Variants in PIK3CB observed in about 807,000 individuals in gnomAD.
PIK3CB encodes the protein phosphatidylinositol-4,5-bisphosphate 3-kinase catalytic subunit beta.
Under a neutral mutation model 136.8 loss-of-function variants are expected in PIK3CB, and 39 were observed. The ratio of observed to expected loss-of-function variants is 0.29; its 90% CI spans 0.22 to 0.37. The LOEUF (loss-of-function observed/expected upper bound fraction) is 0.37. Ranked by LOEUF, PIK3CB falls within the 10% of genes least tolerant of loss-of-function variation. PIK3CB has a pLI of 1.00. For synonymous variants in PIK3CB, 428 were observed against 436.6 expected (o/e 0.98, Z 0.25); for missense variants, 868 against 1,275.4 (o/e 0.68, Z 4.87).
intron 19 of PIK3CB, among the ~76,000 whole-genome samples, chr3:138,670,845 TG>T (rs1226412915): frequency 1.6e-4 from 24 of 152,344 alleles, no homozygotes; most frequent in African/African-American, 5.8e-4. Context: ...AGATGAATTA[TG>T]ATCTCTTTTC....
intron 2 of PIK3CB, among the ~76,000 whole-genome samples, chr3:138,779,960 C>CT (rs537563652): frequency 2.3e-4 from 34 of 149,644 alleles, no homozygotes; most frequent in African/African-American, 5.9e-4. Context: ...GCACTGAGAA[C>CT]TTTTTTTTTT....
intron 8 of PIK3CB, among the ~76,000 whole-genome samples, chr3:138,717,322 G>A (rs1316907889): frequency 6.6e-6 from 1 of 151,038 alleles, no homozygotes; most frequent in Non-Finnish European, 1.5e-5. Flanking sequence ...TGTCTCCTCT[G>A]ATTAAAGGGG....
At chr3:138,673,702 C>T in intron 19 of PIK3CB, among the ~76,000 whole-genome samples, 1 of 152,190 alleles carries the variant, frequency 6.6e-6, no homozygotes, top group South Asian at 2.1e-4. Flanking sequence ...CACGTACACA[C>T]ACACATACAC....
chr3:138,714,262 CA>C (rs1007567604), intron 9 of PIK3CB, among the ~76,000 whole-genome samples: 55 of 151,134 alleles, frequency 3.6e-4, no homozygotes, highest in Middle Eastern at 6.8e-3. Flanking sequence ...AGCAAGATTA[CA>C]AAAAAAATGC....
intron 1 of PIK3CB, among the ~76,000 whole-genome samples, chr3:138,821,082 C>A (rs991850339): frequency 6.7e-6 from 1 of 150,312 alleles, no homozygotes; most frequent in Non-Finnish European, 1.5e-5. Flanking sequence ...GTCAGGAAAT[C>A]GAGACCATCT....
At chr3:138,823,792 A>T (rs970944489) in intron 1 of PIK3CB, among the ~76,000 whole-genome samples, 1 of 152,242 alleles carries the variant, frequency 6.6e-6, no homozygotes, top group East Asian at 1.9e-4. Context: ...AAATCGGGTT[A>T]TAATTCTGAT....
intron 8 of PIK3CB, among the ~76,000 whole-genome samples, chr3:138,724,109 G>A (rs999455350): frequency 6.6e-6 from 1 of 152,104 alleles, no homozygotes; most frequent in Non-Finnish European, 1.5e-5. Context: ...TATGGCATTA[G>A]TTCCATAAGA....
At chr3:138,664,978 T>C (rs1193061991) in intron 20 of PIK3CB, 58 bp downstream of exon 20, 5 of 1,168,108 alleles carry the variant, frequency 4.3e-6, no homozygotes, top group Non-Finnish European at 4.9e-6. Flanking sequence ...ATTGGGAGCA[T>C]ACAGTATTTG....
At chr3:138,767,029 C>A (rs2045739923) in intron 2 of PIK3CB, among the ~76,000 whole-genome samples, 1 of 151,594 alleles carries the variant, frequency 6.6e-6, no homozygotes, top group Middle Eastern at 3.2e-3. Flanking sequence ...AAAAAAGTAT[C>A]CGGGCATGGT....
chr3:138,739,339 G>A (rs1483945319), intron 5 of PIK3CB, among the ~76,000 whole-genome samples: 1 of 152,088 alleles, frequency 6.6e-6, no homozygotes, highest in African/African-American at 2.4e-5. Flanking sequence ...AGCTACTTGG[G>A]AGGCTAGGCA....
chr3:138,801,726 G>A (rs1289160427), intron 1 of PIK3CB, among the ~76,000 whole-genome samples: 1 of 151,850 alleles, frequency 6.6e-6, no homozygotes, highest in Non-Finnish European at 1.5e-5. Flanking sequence ...AGCTGGGCAT[G>A]GTGGCGCGTG....
At chr3:138,814,863 C>T (rs56927625) in intron 1 of PIK3CB, among the ~76,000 whole-genome samples, 5,775 of 151,702 alleles carry the variant, frequency 0.038, 378 homozygotes, top group African/African-American at 0.13. Context: ...TTTGGCCAGG[C>T]GCGGTGGCTC....
intron 1 of PIK3CB, among the ~76,000 whole-genome samples, chr3:138,831,279 A>AT (rs1426520551): frequency 0.039 from 5,889 of 149,550 alleles, 390 homozygotes; most frequent in African/African-American, 0.14. Context: ...ATAAAATAAA[A>AT]TAAAATTAAA....
At chr3:138,731,962 A>G (rs1344795282) in intron 8 of PIK3CB, among the ~76,000 whole-genome samples, 1 of 151,932 alleles carries the variant, frequency 6.6e-6, no homozygotes, top group Non-Finnish European at 1.5e-5. Flanking sequence ...TAGCCTGGGC[A>G]ACAGAGTGAG....
chr3:138,797,990 A>T (rs1036589078), intron 1 of PIK3CB, among the ~76,000 whole-genome samples: 1 of 152,066 alleles, frequency 6.6e-6, no homozygotes, highest in Non-Finnish European at 1.5e-5. Context: ...TATATACTCT[A>T]TGGAAAGATT....
intron 12 of PIK3CB, among the ~76,000 whole-genome samples, chr3:138,701,349 C>G (rs913826531): frequency 6.6e-6 from 1 of 151,962 alleles, no homozygotes; most frequent in Non-Finnish European, 1.5e-5. Flanking sequence ...AAGCACATGA[C>G]TGAGAAAACT....
chr3:138,719,116 T>C lies in PIK3CB; in HGVS notation c.1051-4397A>G, dbSNP rs1250542787. Among the ~76,000 whole-genome samples, 12 of 152,018 alleles carry C rather than the reference T, an allele frequency of 7.9e-5. 1 individual carries two copies. The highest frequency in any genetic ancestry group is 7.9e-4 in the Admixed American group (12 of 15,238). The stretch of plus-strand genomic sequence containing the variant: ...TTTCATTTTTAGTTTCTAAAGACTA[T>C]GAACTAAAGAAAATTATGAAGAAAG... On this transcript the variant is annotated intron_variant, in intron 8 of 23. Coordinates refer to ENST00000674063, the MANE Select transcript of PIK3CB (RefSeq NM_006219.3).
intron 8 of PIK3CB, among the ~76,000 whole-genome samples, chr3:138,729,310 T>C (rs574214100): frequency 2.6e-5 from 4 of 152,038 alleles, no homozygotes; most frequent in African/African-American, 7.2e-5. Context: ...TCTACTATAA[T>C]GGTTAATTTT....
chr3:138,833,564 A>C (rs778929679), intron 1 of PIK3CB, among the ~76,000 whole-genome samples: 1 of 152,208 alleles, frequency 6.6e-6, no homozygotes, highest in African/African-American at 2.4e-5. Flanking sequence ...CAATTTTATT[A>C]CGAATCATAT....
Sources: gnomAD v4.1 joint callset for allele counts (sites outside exome capture counted in the v4.1 genomes callset) on GRCh38, gnomAD v4.1.1 for gene constraint, MANE v1.5 for transcripts, NCBI Gene and HGNC (gene_info 2026-07-23, HGNC 2026-07-21) for gene names.